KTN1: variants seen among roughly 807,000 people sequenced by gnomAD.
The protein encoded by KTN1 is kinectin.
A neutral mutation model predicts 222.5 loss-of-function variants in KTN1; 130 were observed. The observed-to-expected ratio is 0.58, with a 90% CI of 0.51 to 0.68. The LOEUF (loss-of-function observed/expected upper bound fraction) is 0.68, where lower values mean the gene tolerates loss of function less well. Ranked by LOEUF, KTN1 falls within the 30% of genes least tolerant of loss-of-function variation. The pLI, the probability that KTN1 is intolerant of heterozygous loss-of-function variation, is 0.00. For missense variants in KTN1, 1,508 were observed against 1,500.4 expected, an observed-to-expected ratio of 1.01 and a Z score of -0.08; for synonymous variants, 512 against 496.3, an observed-to-expected ratio of 1.03 and a Z score of -0.42.
At chr14:55,627,246 A>G (rs1707866816) in intron 5 of KTN1, among the ~76,000 whole-genome samples, 2 of 152,074 alleles carry the variant, frequency 1.3e-5, no homozygotes, top group Non-Finnish European at 2.9e-5. Context: ...CTTCGTAAAA[A>G]TCTGTTCCTT....
At chr14:55,652,679 G>A (rs771916178) in intron 25 of KTN1, among the ~76,000 whole-genome samples, 171 bp from the exon 26 acceptor site, 15 of 152,290 alleles carry the variant, frequency 9.8e-5, no homozygotes, top group Middle Eastern at 3.4e-3. Context: ...GATTACAGGC[G>A]TGAGCCACTG....
chr14:55,591,405 C>T (rs2034091496), intron 1 of KTN1, among the ~76,000 whole-genome samples: 1 of 152,048 alleles, frequency 6.6e-6, no homozygotes, highest in Non-Finnish European at 1.5e-5. Context: ...TTCAACTTTA[C>T]TAGTTAGTGT....
At chr14:55,582,189 TC>T (rs908030246) in intron 1 of KTN1, among the ~76,000 whole-genome samples, 1 of 152,204 alleles carries the variant, frequency 6.6e-6, no homozygotes, top group African/African-American at 2.4e-5. Context: ...TGATTCAGCG[TC>T]AGCATTATGA....
intron 1 of KTN1, among the ~76,000 whole-genome samples, chr14:55,592,016 AT>A (rs2076410898): frequency 6.6e-6 from 1 of 152,098 alleles, no homozygotes; most frequent in African/African-American, 2.4e-5. Flanking sequence ...CTGAATACTA[AT>A]TATTTGCCAA....
Position 55,650,007 on chromosome 14 carries a change from AC to A in KTN1, c.2405+195del, listed in dbSNP as rs1163095750. On this transcript the variant is annotated intron_variant, in intron 22 of 43. Coordinates refer to ENST00000395314, the MANE Select transcript of KTN1 (RefSeq NM_001079521.2). The stretch of plus-strand genomic sequence containing the variant: ...ATTCAGTATAATTAAAAAAAAAAAA[AC>A]AAAAAAAAACTATTTCCAGAGGATG... Among the ~76,000 whole-genome samples the A allele has an allele frequency of 2.5e-4, 37 of 149,030 alleles. 1 individual carries two copies. The South Asian group carries it at 5.6e-3, about 23-fold the overall frequency.
chr14:55,646,704 C>G (rs1478935015), intron 18 of KTN1, among the ~76,000 whole-genome samples: 1 of 151,446 alleles, frequency 6.6e-6, no homozygotes, highest in Admixed American at 6.6e-5. Flanking sequence ...GTTATCTTTT[C>G]TAGTGATTAA....
At chr14:55,650,477 A>G in intron 23 of KTN1, 59 bp downstream of exon 23, 2 of 1,505,380 alleles carry the variant, frequency 1.3e-6, no homozygotes, top group African/African-American at 1.4e-5. Context: ...AGTTAATATC[A>G]TTTAATTTCG....
chr14:55,640,384 A>C lies in KTN1; in HGVS notation c.1925A>C (p.Asn642Thr). The C allele has an allele frequency of 9.4e-6, 15 of 1,596,896 alleles. No individual in the cohort carries two copies. Among genetic ancestry groups the C allele is most frequent in the Non-Finnish European group, 1.3e-5 (15 of 1,166,620 alleles). ...TTTTCCTTGTTCTAGGATATACAGA[A>C]TATGAATTTCTTATTAAAAGCTGAA... ...SKEEELKDIQ[N>T]MNFLLKAEVQ... is the part of the protein sequence containing the mutation. The change falls in exon 15 of 44, where the codon AAT (asparagine) becomes ACT (threonine). Residue 642 changes from asparagine (N) to threonine (T), a missense_variant. Coordinates refer to ENST00000395314, the MANE Select transcript of KTN1 (RefSeq NM_001079521.2).
intron 8 of KTN1, among the ~76,000 whole-genome samples, chr14:55,634,033 G>A (rs556377031): frequency 6.3e-4 from 96 of 152,130 alleles, no homozygotes; most frequent in African/African-American, 2.2e-3. Context: ...TCAGCTACTC[G>A]GGAGACAGGA....
intron 28 of KTN1, among the ~76,000 whole-genome samples, chr14:55,654,380 C>G (rs959988377): frequency 2.0e-5 from 3 of 152,108 alleles, no homozygotes; most frequent in African/African-American, 7.2e-5. Context: ...GAAGATTACT[C>G]ATTTGTACAA....
chr14:55,639,101 A>C, intron 12 of KTN1, 84 bp from the exon 13 acceptor site: 2 of 896,828 alleles, frequency 2.2e-6, no homozygotes, highest in Non-Finnish European at 3.6e-6. Context: ...AACTTCTCTT[A>C]AAATTTAAAG....
At chr14:55,635,072 A>T (rs887484536) in intron 9 of KTN1, among the ~76,000 whole-genome samples, 1 of 152,168 alleles carries the variant, frequency 6.6e-6, no homozygotes, top group Non-Finnish European at 1.5e-5. Context: ...ATGCCTAACC[A>T]TATCAGTAGG....
At chr14:55,616,741 G>A (rs2038456077) in intron 3 of KTN1, 87 bp downstream of exon 3, 3 of 1,077,944 alleles carry the variant, frequency 2.8e-6, no homozygotes, top group Non-Finnish European at 4.0e-6. Flanking sequence ...ACGCTCTTTA[G>A]CTCCCAGTTT....
At chr14:55,589,656 C>CTTTTTTTTTTTTT (rs765755065) in intron 1 of KTN1, among the ~76,000 whole-genome samples, 7 of 102,062 alleles carry the variant, frequency 6.9e-5, no homozygotes, top group Non-Finnish European at 1.1e-4. Flanking sequence ...CATCTGATTT[C>CTTTTTTTTTTTTT]TTTTTTTTTT....
At position 55,628,024 on chromosome 14, in the gene KTN1, C is replaced by G; in HGVS notation, c.1076C>G (p.Thr359Ser). 6.3e-7 allele frequency: 1 copy of G among 1,594,958 alleles called. No homozygotes were observed. The highest frequency in any genetic ancestry group is 8.6e-7 in the Non-Finnish European group (1 of 1,162,942). ...ACAAAGGATCGGTGTAAGCAGTTAA[C>G]CCAGGTGAAGACATTCTTATGTACG... ...AATKDRCKQL[T>S]QEMMTEKERS... The change falls in exon 6 of 44, where the codon ACC becomes AGC. Residue 359 changes from threonine to serine, a missense_variant. Transcript: ENST00000395314.
intron 1 of KTN1, among the ~76,000 whole-genome samples, chr14:55,595,873 G>A (rs186905942): frequency 1.3e-5 from 2 of 152,078 alleles, no homozygotes; most frequent in Admixed American, 6.5e-5. Flanking sequence ...CTGGTTTGGC[G>A]GCTGGGCGCG....
At chr14:55,619,153 C>CT in intron 4 of KTN1, 29 bp from the exon 5 acceptor site, 1 of 1,573,912 alleles carries the variant, frequency 6.4e-7, no homozygotes, top group Non-Finnish European at 8.7e-7. Flanking sequence ...AATGCCAACT[C>CT]TTTGTTTGTT....
At chr14:55,632,663 C>G (rs1189030218) in intron 7 of KTN1, among the ~76,000 whole-genome samples, 1 of 151,996 alleles carries the variant, frequency 6.6e-6, no homozygotes, top group Non-Finnish European at 1.5e-5. Context: ...GAACTGTATA[C>G]TTGAAAATGG....
Position 55,634,657 on chromosome 14 carries a change from A to C in KTN1, c.1460A>C (p.Lys487Thr). ...GCTGAGCAAGCAGCTACTCAGTTGA[A>C]GGTGATATATTCTCACCTTTATTTG... The part of the protein sequence containing the change: ...KNAEQAATQL[K>T]VQLQEAERRW... The change falls in exon 9 of 44, where the codon AAG (lysine) becomes ACG (threonine). Residue 487 changes from lysine (K) to threonine (T), a missense_variant and splice_region_variant. Physicochemically the swap from Lys to Thr is moderately conservative, Grantham distance 78 (BLOSUM62 -1). Transcript: ENST00000395314. 3 of 1,610,140 alleles carry C rather than the reference A, an allele frequency of 1.9e-6. No homozygotes were observed. The highest frequency in any genetic ancestry group is 2.5e-6 in the Non-Finnish European group (3 of 1,178,452).
Sources: gnomAD v4.1 joint callset for allele counts (sites outside exome capture counted in the v4.1 genomes callset) on GRCh38, gnomAD v4.1.1 for gene constraint, MANE v1.5 for transcripts, NCBI Gene and HGNC (gene_info 2026-07-23, HGNC 2026-07-21) for gene names.